The following C1QTNF12 variants were observed in gnomAD, a reference collection of about 807,000 sequenced individuals.
C1QTNF12 encodes the protein adipolin.
In C1QTNF12, 39 loss-of-function variants were observed where a neutral mutation model predicts 34.3. That is an observed-to-expected ratio of 1.14 (90% CI 0.88 to 1.49). The LOEUF is 1.49. Among genes scored for constraint, C1QTNF12 ranks in the 40% most tolerant of loss-of-function variants. C1QTNF12 has a pLI of 0.00. For synonymous variants in C1QTNF12, 220 were observed against 196.9 expected, an observed-to-expected ratio of 1.12 and a Z score of -0.98; for missense variants, 497 against 424.7, an observed-to-expected ratio of 1.17 and a Z score of -1.50.
rs921794235 is a variant in C1QTNF12, at chr1:1,246,630, C to G, written c.61G>C (p.Gly21Arg). ...VLLGPQLVLLGGVGARREAQR... is the reference protein window; with the variant it reads ...VLLGPQLVLLRGVGARREAQR... The stretch of plus-strand genomic sequence containing the variant: ...GCCTCCCGCCGGGCCCCGACGCCCC[C>G]GAGGAGCACGAGCTGCGGCCCGAGG... Residue 21 changes from glycine to arginine, a missense_variant, in exon 1 of 8, where the codon GGG becomes CGG. Transcript: ENST00000330388. This position sits in a 1 kb window ranked among gnomAD's most constrained non-coding sequence, Gnocchi z 4.5. 13 of 1,238,846 alleles carry G rather than the reference C, an allele frequency of 1.0e-5. No homozygotes were observed. The highest frequency in any genetic ancestry group is 3.7e-5 in the South Asian group (1 of 27,288). 76.7% of individuals were successfully genotyped at this position (1,238,846 alleles called of 1,614,324 possible). A position where few individuals can be genotyped will look rare whatever the true frequency, so the allele number is the denominator to read the frequency against.
rs149663992 is a variant in C1QTNF12, at chr1:1,244,382, G to A, written c.293C>T (p.Pro98Leu). Residue 98 changes from proline (P) to leucine (L), a missense_variant and splice_region_variant, in exon 2 of 8, where the codon CCG (proline) becomes CTG (leucine). By Grantham distance (98) the Pro-to-Leu change is moderately conservative. Transcript: ENST00000330388. ...TGCAGCAGCCCGGGCGGGGCTCACCGGCTTCTTGTCCCTGCTTCCGCACCG... is the reference window on the plus strand; with the variant it reads ...TGCAGCAGCCCGGGCGGGGCTCACCAGCTTCTTGTCCCTGCTTCCGCACCG... ...RKRCGSRDKKPRDLFGPPGPP... is the reference protein window; with the variant it reads ...RKRCGSRDKKLRDLFGPPGPP... 1.0e-4 allele frequency: 162 copies of A among 1,610,882 alleles called. No individual in the cohort carries two copies. The highest frequency in any genetic ancestry group is 1.3e-4 in the Non-Finnish European group (151 of 1,178,852).
chr1:1,245,912 G>A (rs925442767), intron 1 of C1QTNF12, among the ~76,000 whole-genome samples: 1 of 152,236 alleles, frequency 6.6e-6, no homozygotes, highest in Non-Finnish European at 1.5e-5. Context: ...TGCCCTCCAA[G>A]ACCCCTGGAG....
chr1:1,246,677 G>A lies in C1QTNF12; in HGVS notation c.14C>T (p.Ala5Val), dbSNP rs1295986167. The A allele has an allele frequency of 2.4e-6, 3 of 1,225,238 alleles. No individual in the cohort carries two copies. The highest frequency in any genetic ancestry group is 2.0e-6 in the Non-Finnish European group (2 of 983,626). The allele number at this position is 1,225,238 out of a possible 1,614,324, so 75.9% of individuals were successfully genotyped here. A position where few individuals can be genotyped will look rare whatever the true frequency, so the allele number is the denominator to read the frequency against. The change falls in exon 1 of 8, where the codon GCC becomes GTC. Residue 5 changes from alanine to valine, a missense_variant. Ala to Val is a moderately conservative substitution (Grantham distance 64). Transcript: ENST00000330388. This position sits in a 1 kb window ranked among gnomAD's most constrained non-coding sequence, Gnocchi z 4.5. ...GAGGAGGACCACGACCGCGGCCCAG[G>A]CCCAGCGCCGCATGGCTCCGTCCCG... Reference protein sequence around the residue: MRRWAWAAVVVLLGP... With the variant: MRRWVWAAVVVLLGP...
At chr1:1,243,365 G>T in intron 5 of C1QTNF12, 79 bp downstream of exon 5, 1 of 1,357,278 alleles carries the variant, frequency 7.4e-7, no homozygotes, top group Non-Finnish European at 1.0e-6. Flanking sequence ...CCCGCACCCG[G>T]GGCCGGCGAT....
In C1QTNF12 at chr1:1,242,591, A is replaced by T. The variant is rs998572208; in HGVS notation, c.866T>A (p.Ile289Asn). The change falls in exon 8 of 8, where the codon ATC (isoleucine) becomes AAC (asparagine). Residue 289 changes from isoleucine (I) to asparagine (N), a missense_variant. By Grantham distance (149) the Ile-to-Asn change is moderately radical (BLOSUM62 -3). Coordinates refer to ENST00000330388, the MANE Select transcript of C1QTNF12 (RefSeq NM_001014980.3). Reference protein sequence around the residue: ...VDNGSGAVLTIQAGSSFSGLL... With the variant: ...VDNGSGAVLTNQAGSSFSGLL... ...CCCGGAGAAGCTGGAGCCCGCCTGG[A>T]TGGTGAGGACGGCCCCGGAGCCATT... 2 of 1,592,352 alleles carry T rather than the reference A, an allele frequency of 1.3e-6. No homozygotes were observed. Among genetic ancestry groups the T allele is most frequent in the South Asian group, 2.3e-5 (2 of 88,124 alleles).
Position 1,242,888 on chromosome 1 carries a change from C to T in C1QTNF12, c.757G>A (p.Glu253Lys). ...HTCLEAVSGL[E>K]SNSRVFTLQV... ...AGCGTGAAGACCCTGCTGTTGCTCT[C>T]CAGGCCTGAGACGGCCTCCAGGCAC... is the stretch of plus-strand genomic sequence containing the variant. The change falls in exon 7 of 8, where the codon GAG (glutamate) becomes AAG (lysine). Residue 253 changes from glutamate (E) to lysine (K), a missense_variant. Coordinates refer to ENST00000330388, the MANE Select transcript of C1QTNF12 (RefSeq NM_001014980.3). 3 of 1,612,482 alleles carry T rather than the reference C, an allele frequency of 1.9e-6. No homozygotes were observed. Among genetic ancestry groups the T allele is most frequent in the Non-Finnish European group, 2.5e-6 (3 of 1,179,788 alleles).
At chr1:1,243,036 C>G in intron 6 of C1QTNF12, 26 bp downstream of exon 6, 1 of 1,564,738 alleles carries the variant, frequency 6.4e-7, no homozygotes, top group African/African-American at 1.4e-5. Flanking sequence ...GGGCTGCCGC[C>G]TGGAGCGGGG....
rs762119912 is a variant in C1QTNF12, at chr1:1,242,909, G to A, written c.736C>T (p.Leu246=). The change falls in exon 7 of 8, where the codon CTG becomes TTG. Residue 246 remains leucine, a synonymous_variant. Coordinates refer to ENST00000330388, the MANE Select transcript of C1QTNF12 (RefSeq NM_001014980.3). ...IESLCQRHTC[L]EAVSGLESNS... ...CTCTCCAGGCCTGAGACGGCCTCCA[G>A]GCACCTGAACACAGCCCCACAGGGC... 8 of 1,612,156 alleles carry A rather than the reference G, an allele frequency of 5.0e-6. No homozygotes were observed. The highest frequency in any genetic ancestry group is 1.6e-4 in the Middle Eastern group (1 of 6,082).
chr1:1,243,980 G>T lies in C1QTNF12; in HGVS notation c.505C>A (p.Leu169Met). The change falls in exon 4 of 8, where the codon CTG becomes ATG. Residue 169 changes from leucine (L) to methionine (M), a missense_variant. Leu to Met is a conservative substitution (Grantham distance 15). Transcript: ENST00000330388. ...QGPRRVDKRT[L>M]VELHGFQAPA... is the part of the protein sequence containing the mutation. The stretch of plus-strand genomic sequence containing the variant: ...GCCTGGAAACCATGCAGCTCCACCA[G>T]CGTCCGCTTGTCCACCCGGCGGGGA... The T allele has an allele frequency of 6.2e-7, 1 of 1,609,610 alleles. No individual in the cohort carries two copies. The highest frequency in any genetic ancestry group is 8.5e-7 in the Non-Finnish European group (1 of 1,178,670).
At position 1,243,493 on chromosome 1, in the gene C1QTNF12, GAACCGA is replaced by G. The variant is rs781467503; in HGVS notation, c.585_590del (p.Arg196_Phe197del). On this transcript the variant is annotated inframe_deletion, in exon 5 of 8. Transcript: ENST00000330388. The stretch of plus-strand genomic sequence containing the variant: ...GGAAGATGCCGGACACGGGGGCCGT[GAACCGA>G]CCCGAGGCCAGGCTCAGACCGGAGC... The G allele has an allele frequency of 3.8e-6, 6 of 1,560,168 alleles. No individual in the cohort carries two copies. The East Asian group carries it at 1.2e-4, about 31-fold the overall frequency.
rs1557534694 is a variant in C1QTNF12 at position 1,244,068 on chromosome 1, CG to C, written c.416del (p.Pro139ArgfsTer52). ...TERRFSGLLDPLLPQGAGLRL... is the reference protein window; with the variant it reads ...TERRFSGLLDXLLPQGAGLRL... ...GCAGGCCCGCCCCCTGGGGCAGCAGCGGGTCCAGAAGCCCTGAGAACCGGCG... is the reference window on the plus strand; with the variant it reads ...GCAGGCCCGCCCCCTGGGGCAGCAGCGGTCCAGAAGCCCTGAGAACCGGCG... On this transcript the variant is annotated frameshift_variant, in exon 4 of 8. Coordinates refer to ENST00000330388, the MANE Select transcript of C1QTNF12 (RefSeq NM_001014980.3). LOFTEE classifies it high-confidence loss of function. 1.3e-6 allele frequency: 2 copies of C among 1,596,182 alleles called. No homozygotes were observed. Among genetic ancestry groups the C allele is most frequent in the South Asian group, 2.2e-5 (2 of 89,020 alleles).
At chr1:1,243,835 G>T (rs1337410859) in intron 4 of C1QTNF12, 119 bp downstream of exon 4, 3 of 1,279,600 alleles carry the variant, frequency 2.3e-6, no homozygotes, top group Non-Finnish European at 3.2e-6. Flanking sequence ...CGCCCTCCGA[G>T]CCCCGCCCCC....
At chr1:1,244,759 ACTC>A in intron 1 of C1QTNF12, 2 of 193,456 alleles carry the variant, frequency 1.0e-5, no homozygotes, top group Non-Finnish European at 1.7e-5. Context: ...TCCTCCCCCC[ACTC>A]CTCATCCCAC....
At chr1:1,245,767 C>T (rs551766013) in intron 1 of C1QTNF12, among the ~76,000 whole-genome samples, 3 of 152,344 alleles carry the variant, frequency 2.0e-5, no homozygotes, top group East Asian at 3.9e-4. Context: ...GAGAGGCAGC[C>T]GGGCTGGCTG....
chr1:1,244,100 T>C lies in C1QTNF12; in HGVS notation c.385A>G (p.Thr129Ala), dbSNP rs1340507189. 3 of 1,578,536 alleles carry C rather than the reference T, an allele frequency of 1.9e-6. No homozygotes were observed. The highest frequency in any genetic ancestry group is 2.6e-6 in the Non-Finnish European group (3 of 1,162,508). The part of the protein sequence containing the change: ...HEFQELLKEA[T>A]ERRFSGLLDP... ...AGAAGCCCTGAGAACCGGCGCTCCG[T>C]GGCCTCTGTGGGGAGGAGGGCACAG... The change falls in exon 4 of 8, where the codon ACG becomes GCG. Residue 129 changes from threonine to alanine, a missense_variant. Physicochemically the swap from Thr to Ala is moderately conservative, Grantham distance 58. Coordinates refer to ENST00000330388, the MANE Select transcript of C1QTNF12 (RefSeq NM_001014980.3).
At chr1:1,246,928 G>A (rs1029458265), upstream of C1QTNF12, among the ~76,000 whole-genome samples, 5 of 151,406 alleles carry the variant, frequency 3.3e-5, no homozygotes, top group Non-Finnish European at 5.9e-5. The surrounding 1 kb of genome is among the most constrained non-coding windows in gnomAD (Gnocchi z 4.5). Context: ...TCACTCCGCC[G>A]CCCAGTAAAT....
Position 1,242,566 on chromosome 1 carries a change from C to T in C1QTNF12, c.891G>A (p.Gly297=). The T allele has an allele frequency of 6.3e-7, 1 of 1,575,562 alleles. No homozygotes were observed. Among genetic ancestry groups the T allele is most frequent in the Non-Finnish European group, 8.6e-7 (1 of 1,160,620 alleles). Residue 297 remains glycine, a synonymous_variant, in exon 8 of 8, where the codon GGG becomes GGA. Transcript: ENST00000330388. Reference sequence around the variant, plus strand: ...GGCGCCCTCACGTGCCCAGGAGCAGCCCGGAGAAGCTGGAGCCCGCCTGGA... The same window carrying T: ...GGCGCCCTCACGTGCCCAGGAGCAGTCCGGAGAAGCTGGAGCCCGCCTGGA... The part of the protein sequence containing the change: ...LTIQAGSSFS[G]LLLGT
chr1:1,242,728 A>G, intron 7 of C1QTNF12, 82 bp from the exon 8 acceptor site: 1 of 1,549,384 alleles, frequency 6.5e-7, no homozygotes, highest in Non-Finnish European at 8.8e-7. Context: ...GCCCTGCGCT[A>G]GGAGGTGCCG....
chr1:1,246,393 G>A lies in C1QTNF12; in HGVS notation c.177+121C>T, dbSNP rs1230501273. Reference sequence around the variant, plus strand: ...TTCTCAAGGCGGGACCGTGGCCGAGGCCTCGAAAAGGGCGACCCGGAGGCA... The same window carrying A: ...TTCTCAAGGCGGGACCGTGGCCGAGACCTCGAAAAGGGCGACCCGGAGGCA... On this transcript the variant is annotated intron_variant, in intron 1 of 7. Coordinates refer to ENST00000330388, the MANE Select transcript of C1QTNF12 (RefSeq NM_001014980.3). The surrounding 1 kb of genome is among the most constrained non-coding windows in gnomAD (Gnocchi z 4.5). The A allele has an allele frequency of 1.2e-6, 1 of 822,778 alleles. No individual in the cohort carries two copies. Among genetic ancestry groups the A allele is most frequent in the East Asian group, 3.4e-5 (1 of 29,492 alleles). The allele number at this position is 822,778 out of a possible 1,614,324, so 51.0% of individuals were successfully genotyped here.
Sources: allele counts gnomAD v4.1 joint callset (sites outside exome capture counted in the v4.1 genomes callset), GRCh38; gene constraint gnomAD v4.1.1; non-coding constraint Gnocchi (gnomAD v3.1); transcripts MANE v1.5; gene names NCBI Gene and HGNC (gene_info 2026-07-23, HGNC 2026-07-21).